Variants in PCDHGA11 observed in about 807,000 individuals in gnomAD.
The protein encoded by PCDHGA11 is protocadherin gamma-A11.
Under a neutral mutation model 60.4 loss-of-function variants are expected in PCDHGA11, and 39 were observed. The observed-to-expected ratio is 0.65, with a 90% CI of 0.50 to 0.84. PCDHGA11 has a LOEUF of 0.84. Among genes scored for constraint, PCDHGA11 ranks in the 40% least tolerant of loss-of-function variants. PCDHGA11 has a pLI of 0.00. For missense variants in PCDHGA11, 1,165 were observed against 1,197.7 expected (o/e 0.97, Z 0.40); for synonymous variants, 533 against 510.3 (o/e 1.04, Z -0.60).
chr5:141,428,794 T>C (rs2097161574), intron 1 of PCDHGA11: 1 of 152,852 alleles, frequency 6.5e-6, no homozygotes, highest in African/African-American at 2.4e-5. Context: ...CCTTTCTGTG[T>C]GGGCCAGTAA....
At chr5:141,471,942 A>G (rs1163887457) in intron 1 of PCDHGA11, among the ~76,000 whole-genome samples, 1 of 152,192 alleles carries the variant, frequency 6.6e-6, no homozygotes, top group Non-Finnish European at 1.5e-5. Flanking sequence ...AGAGTTTTCT[A>G]AAACTGGATT....
chr5:141,495,424 A>G (rs927637242), intron 2 of PCDHGA11, among the ~76,000 whole-genome samples: 2 of 152,088 alleles, frequency 1.3e-5, no homozygotes, highest in Non-Finnish European at 2.9e-5. Flanking sequence ...CCCTCCTCCC[A>G]CTGTCCTCTG....
Position 141,422,468 on chromosome 5 carries a change from A to T in PCDHGA11, c.1241A>T (p.Glu414Val), listed in dbSNP as rs555211298. Residue 414 changes from glutamate (E) to valine (V), a missense_variant, in exon 1 of 4, where the codon GAG becomes GTG. Glu to Val is a moderately radical substitution (Grantham distance 121). Transcript: ENST00000398587. ...ATAACAAGCAGAGTGCTGGACAGGG[A>T]GTTGGTCCAGAGCTACAATATAACG... ...KLITSRVLDR[E>V]LVQSYNITLT... 59 of 1,613,640 alleles carry T rather than the reference A, an allele frequency of 3.7e-5. No homozygotes were observed. In the South Asian group the frequency reaches 4.7e-4, roughly 13 times the overall value.
Position 141,485,627 on chromosome 5 carries a change from T to C in PCDHGA11, c.2434-9180T>C. 3 of 1,612,072 alleles carry C rather than the reference T, an allele frequency of 1.9e-6. No individual in the cohort carries two copies. Among genetic ancestry groups the C allele is most frequent in the Non-Finnish European group, 2.5e-6 (3 of 1,178,530 alleles). On this transcript the variant is annotated intron_variant, in intron 1 of 3. Transcript: ENST00000398587. This position sits in a 1 kb window ranked among gnomAD's most constrained non-coding sequence, Gnocchi z 5.7. ...GGAGGCAGCTCCTCCAGGACAGCGT[T>C]TCCCGTTGGAAAAGGCTCAGGATGC...
rs1001912556 is a variant in PCDHGA11, at chr5:141,493,404, CTCTGCTGGGATTTTGCT to C, written c.2434-1391_2434-1375del. Among the ~76,000 whole-genome samples, 10 of 152,266 alleles carry C rather than the reference CTCTGCTGGGATTTTGCT, an allele frequency of 6.6e-5. No individual in the cohort carries two copies. Among genetic ancestry groups the C allele is most frequent in the Admixed American group, 6.5e-4 (10 of 15,298 alleles). On this transcript the variant is annotated intron_variant, in intron 1 of 3. Coordinates refer to ENST00000398587, the MANE Select transcript of PCDHGA11 (RefSeq NM_018914.3). The surrounding 1 kb of genome is among the most constrained non-coding windows in gnomAD (Gnocchi z 4.3). ...CTTGAGGACAGGAGAGGGGAGTTGCCTCTGCTGGGATTTTGCTTCTGCTGGGATGGGGCAAGGGTGGG... is the reference window on the plus strand; with the variant it reads ...CTTGAGGACAGGAGAGGGGAGTTGCCTCTGCTGGGATGGGGCAAGGGTGGG...
chr5:141,487,933 A>ACCCTGTG lies in PCDHGA11; in HGVS notation c.2434-6873_2434-6872insCCTGTGC. 1.6e-6 allele frequency: 1 copy of ACCCTGTG among 612,004 alleles called. No individual in the cohort carries two copies. The highest frequency in any genetic ancestry group is 1.8e-5 in the African/African-American group (1 of 54,216). The allele number at this position is 612,004 out of a possible 1,614,324, so 37.9% of individuals were successfully genotyped here. On this transcript the variant is annotated intron_variant, in intron 1 of 3. Coordinates refer to ENST00000398587, the MANE Select transcript of PCDHGA11 (RefSeq NM_018914.3). The surrounding 1 kb of genome is among the most constrained non-coding windows in gnomAD (Gnocchi z 5.0). ...CACAGGAGGCTACAGTGCACAGGGT[A>ACCCTGTG]CAGTGCACCAGGCAGTCACTTGGAC... is the stretch of plus-strand genomic sequence containing the variant.
chr5:141,441,295 A>C (rs952946372), intron 1 of PCDHGA11: 3 of 152,240 alleles, frequency 2.0e-5, no homozygotes, highest in Non-Finnish European at 4.4e-5. Flanking sequence ...CACATGTCTG[A>C]TATAAGAAAA....
intron 1 of PCDHGA11, among the ~76,000 whole-genome samples, chr5:141,437,990 C>G (rs1298325497): frequency 1.3e-5 from 2 of 152,148 alleles, no homozygotes; most frequent in Non-Finnish European, 2.9e-5. Flanking sequence ...CCCACCCCAC[C>G]TCAGCCTCCC....
At chr5:141,453,481 TA>T (rs1178324090) in intron 1 of PCDHGA11, among the ~76,000 whole-genome samples, 1 of 151,928 alleles carries the variant, frequency 6.6e-6, no homozygotes, top group Non-Finnish European at 1.5e-5. Context: ...TCAAAACTAT[TA>T]AAAAAAGGTG....
intron 1 of PCDHGA11, among the ~76,000 whole-genome samples, chr5:141,482,178 C>T (rs950570560): frequency 2.6e-5 from 4 of 151,968 alleles, no homozygotes; most frequent in African/African-American, 4.8e-5. Context: ...TAAGGCTTTA[C>T]GATGCTCCAG....
At position 141,449,274 on chromosome 5, in the gene PCDHGA11, T is replaced by C. The variant is rs569352843; in HGVS notation, c.2433+25614T>C. 3.9e-5 allele frequency among the ~76,000 whole-genome samples: 6 copies of C among 152,260 alleles called. No individual in the cohort carries two copies. In the East Asian group the frequency reaches 1.2e-3, roughly 29 times the overall value. On this transcript the variant is annotated intron_variant, in intron 1 of 3. Transcript: ENST00000398587. ...GAATTGTACAAAGAACTGTATCTCC[T>C]TCACCCGGATGCACCGGGTGAATTA...
chr5:141,497,413 T>C (rs572922456), intron 2 of PCDHGA11, among the ~76,000 whole-genome samples: 8 of 152,046 alleles, frequency 5.3e-5, no homozygotes, highest in Admixed American at 5.2e-4. Context: ...TCCCATTCCA[T>C]CAAATGAGAG....
In PCDHGA11 at chr5:141,422,422, T is replaced by TA; in HGVS notation, c.1196dup (p.Tyr399Ter). The TA allele has an allele frequency of 6.2e-7, 1 of 1,607,804 alleles. No individual in the cohort carries two copies. Among genetic ancestry groups the TA allele is most frequent in the Non-Finnish European group, 8.5e-7 (1 of 1,178,040 alleles). ...NHLPFKLEKT[Y>*]GNYYKLITSR... is the part of the protein sequence containing the mutation. ...CCTGCCTTTTAAATTAGAAAAGACT[T>TA]ATGGAAATTATTACAAATTGATAAC... Residue 399 changes from tyrosine (Y) to a stop codon, truncating the protein, a stop_gained and frameshift_variant, in exon 1 of 4, where the codon TAT becomes TAAT. Transcript: ENST00000398587. LOFTEE classifies it high-confidence loss of function.
chr5:141,492,575 C>T (rs1213639439), intron 1 of PCDHGA11, among the ~76,000 whole-genome samples: 1 of 152,218 alleles, frequency 6.6e-6, no homozygotes, highest in South Asian at 2.1e-4. Flanking sequence ...GAGCGAGGCG[C>T]GGGGCCAGGA....
chr5:141,448,928 G>C (rs2098617520), intron 1 of PCDHGA11, among the ~76,000 whole-genome samples: 1 of 152,166 alleles, frequency 6.6e-6, no homozygotes, highest in Non-Finnish European at 1.5e-5. Context: ...CTGGGCGACA[G>C]AGCAAGACTG....
intron 2 of PCDHGA11, among the ~76,000 whole-genome samples, chr5:141,503,275 C>T (rs1466636672): frequency 1.3e-5 from 2 of 152,108 alleles, no homozygotes; most frequent in Non-Finnish European, 2.9e-5. Context: ...GCACCTGGCT[C>T]TGTGTCTGGT....
At chr5:141,494,755 C>T (rs1246224213) in intron 1 of PCDHGA11, 52 bp from the exon 2 acceptor site, 18 of 1,613,724 alleles carry the variant, frequency 1.1e-5, no homozygotes, top group African/African-American at 1.3e-5. Context: ...GCTCGGGTGA[C>T]ATTCTAACTT....
intron 1 of PCDHGA11, among the ~76,000 whole-genome samples, chr5:141,447,978 C>T (rs759162070): frequency 1.1e-4 from 17 of 151,694 alleles, no homozygotes; most frequent in East Asian, 3.9e-4. Flanking sequence ...CCCAGCTACT[C>T]GGGAGGCTGA....
At chr5:141,439,432 A>C (rs537630916) in intron 1 of PCDHGA11, among the ~76,000 whole-genome samples, 1 of 152,326 alleles carries the variant, frequency 6.6e-6, no homozygotes, top group African/African-American at 2.4e-5. Flanking sequence ...AATTCCCAGG[A>C]ATATTTTATT....
Sources: allele counts gnomAD v4.1 joint callset (sites outside exome capture counted in the v4.1 genomes callset), GRCh38; gene constraint gnomAD v4.1.1; non-coding constraint Gnocchi (gnomAD v3.1); transcripts MANE v1.5; gene names NCBI Gene and HGNC (gene_info 2026-07-23, HGNC 2026-07-21).